Variants in FHIT observed in about 807,000 individuals in gnomAD.
FHIT encodes fragile histidine triad diadenosine triphosphatase, also known as bis(5'-adenosyl)-triphosphatase.
FHIT carries 19 observed loss-of-function variants against 17.9 expected under a neutral mutation model. The ratio of observed to expected loss-of-function variants is 1.06; its 90% CI spans 0.74 to 1.56. FHIT has a LOEUF of 1.56. FHIT is among the 40% of genes most tolerant of loss of function. The pLI is 0.00. For synonymous variants in FHIT, 81 were observed against 69.7 expected, an observed-to-expected ratio of 1.16 and a Z score of -0.81; for missense variants, 248 against 189.2, an observed-to-expected ratio of 1.31 and a Z score of -1.82.
intron 8 of FHIT, among the ~76,000 whole-genome samples, chr3:59,753,329 T>C (rs1443069993): frequency 2.6e-5 from 4 of 152,214 alleles, no homozygotes; most frequent in African/African-American, 7.2e-5. Flanking sequence ...AAATTAACAC[T>C]TGAATCATTT....
intron 5 of FHIT, among the ~76,000 whole-genome samples, chr3:60,342,217 G>T (rs1710554273): frequency 6.6e-6 from 1 of 152,188 alleles, no homozygotes; most frequent in African/African-American, 2.4e-5. Flanking sequence ...GCATCTATCA[G>T]TAAGTAGTTA....
At chr3:60,067,735 C>T (rs544183971) in intron 5 of FHIT, among the ~76,000 whole-genome samples, 22 of 152,144 alleles carry the variant, frequency 1.4e-4, no homozygotes, top group Admixed American at 2.6e-4. Context: ...GGAATTTCCA[C>T]GCGACAGCCC....
At chr3:60,929,767 T>G (rs9809234) in intron 3 of FHIT, among the ~76,000 whole-genome samples, 2 of 152,058 alleles carry the variant, frequency 1.3e-5, no homozygotes, top group East Asian at 3.9e-4. Context: ...GAATCAATAT[T>G]GTGAAAATGG....
intron 3 of FHIT, among the ~76,000 whole-genome samples, chr3:61,024,456 T>C (rs2107653586): frequency 6.6e-6 from 1 of 152,292 alleles, no homozygotes; most frequent in East Asian, 1.9e-4. Context: ...GCTTTAAATT[T>C]CCTGCAAAGG....
At chr3:60,969,764 T>A (rs186169420) in intron 3 of FHIT, among the ~76,000 whole-genome samples, 91 of 152,314 alleles carry the variant, frequency 6.0e-4, no homozygotes, top group African/African-American at 2.0e-3. Context: ...ATTTACTAAA[T>A]CTTTAAAAAT....
chr3:59,982,510 G>T (rs937010997), intron 7 of FHIT, among the ~76,000 whole-genome samples: 1 of 152,158 alleles, frequency 6.6e-6, no homozygotes, highest in African/African-American at 2.4e-5. Context: ...AACTAACTGT[G>T]ATCACTTTTT....
chr3:60,868,671 G>C (rs927866904), intron 3 of FHIT, among the ~76,000 whole-genome samples: 2 of 152,010 alleles, frequency 1.3e-5, no homozygotes, highest in African/African-American at 4.8e-5. Flanking sequence ...CTTCAATAAG[G>C]ATATGGCGAT....
At chr3:59,824,086 C>T (rs1434090368) in intron 8 of FHIT, among the ~76,000 whole-genome samples, 1 of 152,160 alleles carries the variant, frequency 6.6e-6, no homozygotes, top group East Asian at 1.9e-4. Flanking sequence ...AGAGCTCAAC[C>T]CCTTTTACAA....
rs541442402 is a variant in FHIT at position 60,578,171 on chromosome 3, G to A, written c.-17-41192C>T. Among the ~76,000 whole-genome samples, 9 of 152,210 alleles carry A rather than the reference G, an allele frequency of 5.9e-5. No homozygotes were observed. The South Asian group carries it at 1.7e-3, about 28-fold the overall frequency. On this transcript the variant is annotated intron_variant, in intron 4 of 9. Transcript: ENST00000492590. ...GCACACTTTAGTGCCCAGTGTGGTGGCTCACACCTGTAATCCCAGCACTTT... is the reference window on the plus strand; with the variant it reads ...GCACACTTTAGTGCCCAGTGTGGTGACTCACACCTGTAATCCCAGCACTTT...
chr3:60,665,787 T>C (rs1258470239), intron 4 of FHIT, among the ~76,000 whole-genome samples: 2 of 152,108 alleles, frequency 1.3e-5, no homozygotes, highest in Admixed American at 6.6e-5. Flanking sequence ...TATTGATAAG[T>C]TAGCATTTCA....
intron 2 of FHIT, among the ~76,000 whole-genome samples, chr3:61,107,050 T>C (rs9855482): frequency 2.6e-5 from 4 of 152,222 alleles, no homozygotes; most frequent in African/African-American, 9.7e-5. Context: ...ATAGTCATTA[T>C]GTTGTACAAT....
chr3:60,404,773 C>T (rs1312854876), intron 5 of FHIT, among the ~76,000 whole-genome samples: 1 of 152,114 alleles, frequency 6.6e-6, no homozygotes, highest in Admixed American at 6.5e-5. Context: ...TTACACAGCC[C>T]ATAATACAAG....
intron 5 of FHIT, among the ~76,000 whole-genome samples, chr3:60,073,455 C>G (rs1160675397): frequency 6.6e-6 from 1 of 152,132 alleles, no homozygotes; most frequent in African/African-American, 2.4e-5. Flanking sequence ...CAGAATCTTT[C>G]TTTAATGAAT....
chr3:60,469,820 G>C (rs914156833), intron 5 of FHIT, among the ~76,000 whole-genome samples: 1 of 152,116 alleles, frequency 6.6e-6, no homozygotes, highest in Non-Finnish European at 1.5e-5. Context: ...AGGGACATGG[G>C]TGTAGTCATC....
intron 7 of FHIT, among the ~76,000 whole-genome samples, chr3:59,980,010 T>C (rs902260116): frequency 1.4e-4 from 22 of 152,302 alleles, no homozygotes; most frequent in Middle Eastern, 3.4e-3. Context: ...ATACACCATA[T>C]TGACTTTTCT....
At chr3:61,124,794 T>C (rs899141430) in intron 2 of FHIT, among the ~76,000 whole-genome samples, 1 of 152,214 alleles carries the variant, frequency 6.6e-6, no homozygotes, top group Non-Finnish European at 1.5e-5. Flanking sequence ...ACTTCGATCA[T>C]CCATCTGTGC....
chr3:59,962,765 G>T (rs887254900), intron 7 of FHIT, among the ~76,000 whole-genome samples: 30 of 152,144 alleles, frequency 2.0e-4, no homozygotes, highest in Non-Finnish European at 2.1e-4. Flanking sequence ...TAAAGCAATT[G>T]TTCACACATG....
chr3:59,791,878 G>C (rs1699577175), intron 8 of FHIT, among the ~76,000 whole-genome samples: 1 of 152,154 alleles, frequency 6.6e-6, no homozygotes, highest in Non-Finnish European at 1.5e-5. Context: ...AGGTCAACCA[G>C]AAGAGAGAAA....
intron 8 of FHIT, among the ~76,000 whole-genome samples, chr3:59,865,188 CAAACTT>C (rs1435085493): frequency 6.6e-6 from 1 of 152,172 alleles, no homozygotes; most frequent in Non-Finnish European, 1.5e-5. Context: ...GTTGGGTTAT[CAAACTT>C]AAAAGCATAA....
Sources: allele counts gnomAD v4.1 joint callset (sites outside exome capture counted in the v4.1 genomes callset), GRCh38; gene constraint gnomAD v4.1.1; transcripts MANE v1.5; gene names NCBI Gene and HGNC (gene_info 2026-07-23, HGNC 2026-07-21).